COLEC12: variants seen among roughly 807,000 people sequenced by gnomAD.
COLEC12 encodes the protein collectin-12.
A neutral mutation model predicts 71.1 loss-of-function variants in COLEC12; 33 were observed. That is an observed-to-expected ratio of 0.46 (90% confidence interval 0.35 to 0.62). COLEC12 has a LOEUF of 0.62. Ranked by LOEUF, COLEC12 falls within the 20% of genes least tolerant of loss-of-function variation. The probability of loss-of-function intolerance (pLI) is 0.00; values close to 1 mark genes in which losing one functional copy is unlikely to be tolerated. For synonymous variants in COLEC12, 350 were observed against 353.0 expected, an observed-to-expected ratio of 0.99 and a Z score of 0.10; for missense variants, 765 against 916.1, an observed-to-expected ratio of 0.84 and a Z score of 2.13.
At chr18:419,431 C>T (rs1390581319) in intron 2 of COLEC12, among the ~76,000 whole-genome samples, 1 of 152,184 alleles carries the variant, frequency 6.6e-6, no homozygotes, top group African/African-American at 2.4e-5. Flanking sequence ...GTCTCAAACT[C>T]CTGACCTCAG....
chr18:491,893 G>C (rs1375819170), intron 1 of COLEC12, among the ~76,000 whole-genome samples: 1 of 152,154 alleles, frequency 6.6e-6, no homozygotes, highest in African/African-American at 2.4e-5. Flanking sequence ...CTTTACAAAT[G>C]TAAACCTGGC....
At chr18:321,254 G>A (rs1178557671) in intron 9 of COLEC12, among the ~76,000 whole-genome samples, 1 of 152,062 alleles carries the variant, frequency 6.6e-6, no homozygotes, top group Non-Finnish European at 1.5e-5. Flanking sequence ...GGGTTTCTCC[G>A]TGTTGGCCAG....
At chr18:460,452 T>C (rs1287370035) in intron 2 of COLEC12, among the ~76,000 whole-genome samples, 2 of 152,192 alleles carry the variant, frequency 1.3e-5, no homozygotes, top group African/African-American at 4.8e-5. Flanking sequence ...TCAAGCTAAA[T>C]TATGTTACCT....
intron 3 of COLEC12, among the ~76,000 whole-genome samples, chr18:353,005 T>C (rs757451728): frequency 6.6e-6 from 1 of 152,250 alleles, no homozygotes; most frequent in African/African-American, 2.4e-5. Flanking sequence ...TCAGGTATTA[T>C]ACCTGAAGAT....
chr18:406,438 A>G (rs934325206), intron 2 of COLEC12, among the ~76,000 whole-genome samples: 43 of 139,932 alleles, frequency 3.1e-4, no homozygotes, highest in African/African-American at 1.1e-3. Flanking sequence ...GAACCCGGGA[A>G]GCGGAGCTTG....
chr18:368,143 A>G (rs1914895937), intron 2 of COLEC12, among the ~76,000 whole-genome samples: 1 of 152,254 alleles, frequency 6.6e-6, no homozygotes, highest in Admixed American at 6.5e-5. Flanking sequence ...CTTTATATGG[A>G]GTTTAGAAAT....
At chr18:487,466 T>A (rs1917541003) in intron 1 of COLEC12, among the ~76,000 whole-genome samples, 1 of 152,166 alleles carries the variant, frequency 6.6e-6, no homozygotes, top group Admixed American at 6.5e-5. Context: ...ATGATTTGTA[T>A]AGTATGTGAA....
In COLEC12 at chr18:347,236, G is replaced by T. The variant is rs201306483; in HGVS notation, c.386C>A (p.Thr129Asn). The change falls in exon 5 of 10, where the codon ACC (threonine) becomes AAC (asparagine). Residue 129 changes from threonine to asparagine, a missense_variant. By Grantham distance (65) the Thr-to-Asn change is moderately conservative (BLOSUM62 0). Transcript: ENST00000400256. ...CTCCAGCGTATCCTTGTTCTTGCTG[G>T]TTTTTTCTGTAATCTCACGAAGTTG... Reference protein sequence around the residue: ...RQQLREITEKTSKNKDTLEKL... With the variant: ...RQQLREITEKNSKNKDTLEKL... 2.5e-4 allele frequency: 401 copies of T among 1,614,122 alleles called. No individual in the cohort carries two copies. The highest frequency in any genetic ancestry group is 2.4e-4 in the Non-Finnish European group (283 of 1,180,028).
At chr18:373,760 C>T (rs1410863699) in intron 2 of COLEC12, among the ~76,000 whole-genome samples, 1 of 152,046 alleles carries the variant, frequency 6.6e-6, no homozygotes, top group Non-Finnish European at 1.5e-5. Flanking sequence ...TGGTATGCTT[C>T]GTGGTACATC....
intron 1 of COLEC12, among the ~76,000 whole-genome samples, chr18:490,244 T>G (rs1001988239): frequency 6.6e-6 from 1 of 152,230 alleles, no homozygotes; most frequent in African/African-American, 2.4e-5. Context: ...CAGGGAGCCC[T>G]CAGCCATTCC....
chr18:412,064 T>A (rs60821693), intron 2 of COLEC12, among the ~76,000 whole-genome samples: 14,920 of 152,198 alleles, frequency 0.098, 780 homozygotes, highest in Admixed American at 0.14. Flanking sequence ...AAAAAATGGC[T>A]GAACACTTCC....
At chr18:324,803 T>C (rs1913798558) in intron 8 of COLEC12, among the ~76,000 whole-genome samples, 1 of 152,174 alleles carries the variant, frequency 6.6e-6, no homozygotes, top group South Asian at 2.1e-4. Flanking sequence ...TACTCCATCC[T>C]GGGTGACAAA....
intron 9 of COLEC12, among the ~76,000 whole-genome samples, chr18:320,394 T>C (rs1441233342): frequency 6.6e-6 from 1 of 152,174 alleles, no homozygotes; most frequent in East Asian, 1.9e-4. Flanking sequence ...TCTGTGTTTT[T>C]CCCCCTCAAC....
chr18:436,777 G>A lies in COLEC12; in HGVS notation c.58+43930C>T, dbSNP rs562493826. On this transcript the variant is annotated intron_variant, in intron 2 of 9. Transcript: ENST00000400256. ...GTATTGCTCTCTGATGATCTTCTGTGTGTTCTCCTTTCCTCTACCACCAGC... is the reference window on the plus strand; with the variant it reads ...GTATTGCTCTCTGATGATCTTCTGTATGTTCTCCTTTCCTCTACCACCAGC... Among the ~76,000 whole-genome samples the A allele has an allele frequency of 7.9e-5, 12 of 152,118 alleles. No homozygotes were observed. The South Asian group carries it at 2.5e-3, about 32-fold the overall frequency.
At chr18:332,778 T>A (rs1894116013) in intron 7 of COLEC12, among the ~76,000 whole-genome samples, 1 of 152,164 alleles carries the variant, frequency 6.6e-6, no homozygotes, top group African/African-American at 2.4e-5. Flanking sequence ...GAGCCACACA[T>A]CTCCAGGCTT....
chr18:347,099 T>C lies in COLEC12; in HGVS notation c.523A>G (p.Asn175Asp), dbSNP rs778412326. The change falls in exon 5 of 10, where the codon AAT becomes GAT. Residue 175 changes from asparagine (N) to aspartate (D), a missense_variant. Physicochemically the swap from Asn to Asp is conservative, Grantham distance 23. Coordinates refer to ENST00000400256, the MANE Select transcript of COLEC12 (RefSeq NM_130386.3). ...TGCTGCAGATTCGTGACATAGCCAT[T>C]ATACGCCTGGAGGGTTTTGTTTACA... ...TTVNKTLQAY[N>D]GYVTNLQQDT... The C allele has an allele frequency of 1.4e-5, 23 of 1,614,088 alleles. No homozygotes were observed. Among genetic ancestry groups the C allele is most frequent in the East Asian group, 2.2e-5 (1 of 44,886 alleles).
At chr18:396,232 G>C (rs1014888723) in intron 2 of COLEC12, among the ~76,000 whole-genome samples, 1 of 152,178 alleles carries the variant, frequency 6.6e-6, no homozygotes, top group South Asian at 2.1e-4. Context: ...GAAGTACAGG[G>C]CTCCTGAGTT....
chr18:359,673 G>A (rs959390269), intron 2 of COLEC12, among the ~76,000 whole-genome samples: 2 of 152,184 alleles, frequency 1.3e-5, no homozygotes, highest in Admixed American at 1.3e-4. Context: ...AAAGACTGTG[G>A]ATGTTTTAAT....
At chr18:349,802 T>C in intron 3 of COLEC12, among the ~76,000 whole-genome samples, 1 of 152,240 alleles carries the variant, frequency 6.6e-6, no homozygotes, top group East Asian at 1.9e-4. Context: ...TTGACTGCCC[T>C]GCTGACTTTG....
Sources: gnomAD v4.1 joint callset for allele counts (sites outside exome capture counted in the v4.1 genomes callset) on GRCh38, gnomAD v4.1.1 for gene constraint, MANE v1.5 for transcripts, NCBI Gene and HGNC (gene_info 2026-07-23, HGNC 2026-07-21) for gene names.